DCUN1D1: variants seen among roughly 807,000 people sequenced by gnomAD.
The protein encoded by DCUN1D1 is defective in cullin neddylation 1 domain containing 1.
Under a neutral mutation model 39.0 loss-of-function variants are expected in DCUN1D1, and 3 were observed. That is an observed-to-expected ratio of 0.08 (90% CI 0.04 to 0.20). DCUN1D1 has a LOEUF of 0.20. Among genes scored for constraint, DCUN1D1 ranks in the 10% least tolerant of loss-of-function variants. DCUN1D1 has a pLI of 1.00. For missense variants in DCUN1D1, 158 were observed against 302.4 expected (o/e 0.52, Z 3.54); for synonymous variants, 82 against 96.3 (o/e 0.85, Z 0.87).
At chr3:182,984,689 C>A (rs531937026), upstream of DCUN1D1, among the ~76,000 whole-genome samples, 1 of 152,248 alleles carries the variant, frequency 6.6e-6, no homozygotes, top group East Asian at 1.9e-4. Context: ...TACGTAAATA[C>A]TTCTTGCCAC....
intron 1 of DCUN1D1, among the ~76,000 whole-genome samples, chr3:182,976,849 G>A (rs1313707748): frequency 2.6e-5 from 4 of 152,124 alleles, no homozygotes; most frequent in Non-Finnish European, 4.4e-5. Context: ...TCACTGAAAA[G>A]AACTGATAAC....
At chr3:182,957,937 C>CAAAAAA (rs34998390) in intron 4 of DCUN1D1, among the ~76,000 whole-genome samples, 73 of 67,304 alleles carry the variant, frequency 1.1e-3, no homozygotes, top group South Asian at 2.4e-3. Flanking sequence ...GACCCTGCAT[C>CAAAAAA]AAAAAAAAAA....
At chr3:182,953,715 T>C (rs1247469971) in intron 4 of DCUN1D1, among the ~76,000 whole-genome samples, 1 of 152,190 alleles carries the variant, frequency 6.6e-6, no homozygotes, top group Non-Finnish European at 1.5e-5. Context: ...AAGTCAGTGA[T>C]AAGGTAACAA....
chr3:182,942,398 C>CT lies in DCUN1D1; in HGVS notation c.*2695dup, dbSNP rs377104194. On this transcript the variant is annotated 3_prime_UTR_variant, in exon 7 of 7. Coordinates refer to ENST00000292782, the MANE Select transcript of DCUN1D1 (RefSeq NM_020640.4). ...AATTTCACTGCAGCTTTTATTGCCT[C>CT]TGTTGGTAATATGACAGGGACTGTA... The CT allele has an allele frequency of 1.4e-3, 220 of 152,174 alleles. 1 individual carries two copies. Among genetic ancestry groups the CT allele is most frequent in the African/African-American group, 5.2e-3 (218 of 41,546 alleles). The allele number at this position is 152,174 out of a possible 1,614,324, so 9.4% of individuals were successfully genotyped here.
rs954473166 is a variant in DCUN1D1 at position 182,941,822 on chromosome 3, A to C, written c.*3272T>G. On this transcript the variant is annotated 3_prime_UTR_variant, in exon 7 of 7. Coordinates refer to ENST00000292782, the MANE Select transcript of DCUN1D1 (RefSeq NM_020640.4). ...CCCCAGCACCACTTTTTTATTCCAA[A>C]ACTCCTTCGATTAGGTTTAACTTTC... is the stretch of plus-strand genomic sequence containing the variant. 27 of 152,230 alleles carry C rather than the reference A, an allele frequency of 1.8e-4. No homozygotes were observed. The highest frequency in any genetic ancestry group is 6.0e-4 in the African/African-American group (25 of 41,568). The allele number at this position is 152,230 out of a possible 1,614,324, so 9.4% of individuals were successfully genotyped here.
At chr3:182,947,703 C>CA (rs1286288596) in intron 4 of DCUN1D1, 71 bp from the exon 5 acceptor site, 4 of 908,570 alleles carry the variant, frequency 4.4e-6, no homozygotes, top group Non-Finnish European at 6.9e-6. Context: ...AACAAACAAA[C>CA]AAAAAAACAG....
chr3:182,969,091 T>A (rs1282417760), intron 1 of DCUN1D1, among the ~76,000 whole-genome samples: 7 of 152,204 alleles, frequency 4.6e-5, no homozygotes, highest in Admixed American at 4.6e-4. Context: ...CTATAAAGTC[T>A]GATAAGTACC....
rs1181545597 is a variant in DCUN1D1, at chr3:182,945,085, C to T, written c.*9G>A. On this transcript the variant is annotated 3_prime_UTR_variant, in exon 7 of 7. Transcript: ENST00000292782. Reference sequence around the variant, plus strand: ...CAGACTATGTACATTCTAGAAGGTTCCTTTAGTGCTACACTGTTGTACTTT... The same window carrying T: ...CAGACTATGTACATTCTAGAAGGTTTCTTTAGTGCTACACTGTTGTACTTT... 1.2e-6 allele frequency: 2 copies of T among 1,609,304 alleles called. No homozygotes were observed. Among genetic ancestry groups the T allele is most frequent in the Admixed American group, 1.7e-5 (1 of 59,774 alleles).
At chr3:182,954,519 T>C (rs1242485941) in intron 4 of DCUN1D1, among the ~76,000 whole-genome samples, 2 of 152,210 alleles carry the variant, frequency 1.3e-5, no homozygotes, top group African/African-American at 4.8e-5. Context: ...CGGCAGTTTC[T>C]TCACCTGGCT....
intron 1 of DCUN1D1, among the ~76,000 whole-genome samples, chr3:182,971,060 CT>C (rs1029705749): frequency 2.0e-5 from 3 of 152,134 alleles, no homozygotes; most frequent in African/African-American, 4.8e-5. Flanking sequence ...ATATGATTCA[CT>C]AGTGAAGAGT....
At chr3:182,975,800 A>G (rs1728204318) in intron 1 of DCUN1D1, among the ~76,000 whole-genome samples, 1 of 150,086 alleles carries the variant, frequency 6.7e-6, no homozygotes, top group East Asian at 2.0e-4. Context: ...GCTCTGCCAC[A>G]TACTAGCATG....
intron 1 of DCUN1D1, among the ~76,000 whole-genome samples, chr3:182,978,879 G>A (rs1348374107): frequency 6.6e-6 from 1 of 152,184 alleles, no homozygotes; most frequent in Non-Finnish European, 1.5e-5. Flanking sequence ...CGAACCACTT[G>A]ATGCCTGAAT....
chr3:182,940,840 A>C lies in DCUN1D1; in HGVS notation c.*4254T>G, dbSNP rs1365709962. 6.6e-6 allele frequency: 1 copy of C among 152,228 alleles called. No homozygotes were observed. The highest frequency in any genetic ancestry group is 1.5e-5 in the Non-Finnish European group (1 of 68,040). The allele number at this position is 152,228 out of a possible 1,614,324, so 9.4% of individuals were successfully genotyped here. A position where few individuals can be genotyped will look rare whatever the true frequency, so the allele number is the denominator to read the frequency against. Reference sequence around the variant, plus strand: ...AAATAGAAAATTGGGCTATACTTAAAAACACTTTTAAAATCTCAATTTAAA... The same window carrying C: ...AAATAGAAAATTGGGCTATACTTAACAACACTTTTAAAATCTCAATTTAAA... On this transcript the variant is annotated 3_prime_UTR_variant, in exon 7 of 7. Coordinates refer to ENST00000292782, the MANE Select transcript of DCUN1D1 (RefSeq NM_020640.4).
chr3:182,960,143 G>A (rs1156494487), intron 4 of DCUN1D1, among the ~76,000 whole-genome samples: 1 of 152,130 alleles, frequency 6.6e-6, no homozygotes, highest in African/African-American at 2.4e-5. Flanking sequence ...TACAAGACAA[G>A]TAGTATATGT....
intron 1 of DCUN1D1, among the ~76,000 whole-genome samples, chr3:182,968,084 G>GT (rs1293191463): frequency 1.3e-5 from 2 of 151,956 alleles, no homozygotes; most frequent in Admixed American, 6.6e-5. Context: ...AGGTTTTTTT[G>GT]TTTTTTTAGA....
chr3:182,952,430 C>T lies in DCUN1D1; in HGVS notation c.521-4798G>A, dbSNP rs546475084. Among the ~76,000 whole-genome samples the T allele has an allele frequency of 3.9e-5, 6 of 152,310 alleles. No individual in the cohort carries two copies. In the East Asian group the frequency reaches 1.2e-3, roughly 29 times the overall value. On this transcript the variant is annotated intron_variant, in intron 4 of 6. Coordinates refer to ENST00000292782, the MANE Select transcript of DCUN1D1 (RefSeq NM_020640.4). ...CAACCGCCCCTAACAGCTCCTAAAT[C>T]TGAAACCTATCTCTATATTCTAGAC...
At chr3:182,980,653 A>G (rs1477684605), upstream of DCUN1D1, 2 of 910,142 alleles carry the variant, frequency 2.2e-6, no homozygotes, top group East Asian at 1.0e-4. Context: ...GGGGAGGCGG[A>G]GGGACGGAGG....
rs1725976537 is a variant in DCUN1D1 at position 182,938,168 on chromosome 3, T to C, written c.*6926A>G. 1 of 152,166 alleles carries C rather than the reference T, an allele frequency of 6.6e-6. No homozygotes were observed. Among genetic ancestry groups the C allele is most frequent in the Non-Finnish European group, 1.5e-5 (1 of 68,018 alleles). 9.4% of individuals were successfully genotyped at this position (152,166 alleles called of 1,614,324 possible). On this transcript the variant is annotated 3_prime_UTR_variant, in exon 7 of 7. Coordinates refer to ENST00000292782, the MANE Select transcript of DCUN1D1 (RefSeq NM_020640.4). ...AACTTGAAAAATATATTCGTTAGAA[T>C]TTTTTTATTAAGTACATCAAAATTT... is the stretch of plus-strand genomic sequence containing the variant.
At chr3:182,983,045 T>C (rs1026054329), upstream of DCUN1D1, among the ~76,000 whole-genome samples, 3 of 152,188 alleles carry the variant, frequency 2.0e-5, no homozygotes, top group Non-Finnish European at 2.9e-5. Flanking sequence ...ATAATGCAAA[T>C]GTGAATTTGT....
Sources: allele counts gnomAD v4.1 joint callset (sites outside exome capture counted in the v4.1 genomes callset), GRCh38; gene constraint gnomAD v4.1.1; transcripts MANE v1.5; gene names NCBI Gene and HGNC (gene_info 2026-07-23, HGNC 2026-07-21).